Variants in REC114 observed in about 807,000 individuals in gnomAD.
REC114 encodes REC114 meiotic recombination protein.
Under a neutral mutation model 31.3 loss-of-function variants are expected in REC114, and 27 were observed. That is an observed-to-expected ratio of 0.86 (90% CI 0.64 to 1.19). The LOEUF is 1.19. REC114 is among the 50% of genes most tolerant of loss of function. The pLI is 0.00. For synonymous variants in REC114, 134 were observed against 127.7 expected (o/e 1.05, Z -0.33); for missense variants, 344 against 326.9 (o/e 1.05, Z -0.40).
intron 2 of REC114, among the ~76,000 whole-genome samples, chr15:73,529,310 T>C (rs943693984): frequency 1.3e-5 from 2 of 152,020 alleles, no homozygotes; most frequent in Non-Finnish European, 2.9e-5. Flanking sequence ...ACTAATTTTT[T>C]GTATTTTTTA....
At chr15:73,506,312 G>T (rs1893676044) in intron 2 of REC114, among the ~76,000 whole-genome samples, 2 of 152,078 alleles carry the variant, frequency 1.3e-5, no homozygotes, top group Admixed American at 1.3e-4. Flanking sequence ...CTGTTATGTT[G>T]TCTTGGTTCT....
chr15:73,454,038 A>G (rs1194071632), intron 1 of REC114, among the ~76,000 whole-genome samples: 1 of 152,200 alleles, frequency 6.6e-6, no homozygotes, highest in Admixed American at 6.5e-5. Flanking sequence ...TAATGGGTGC[A>G]GCAAACCACC....
chr15:73,447,834 CA>C (rs1892788791), intron 1 of REC114, among the ~76,000 whole-genome samples: 4 of 152,038 alleles, frequency 2.6e-5, no homozygotes, highest in Admixed American at 2.6e-4. Context: ...GGGTGCAGGC[CA>C]TGGGGGGTGA....
At chr15:73,513,899 T>C (rs1211956884) in intron 2 of REC114, among the ~76,000 whole-genome samples, 3 of 151,746 alleles carry the variant, frequency 2.0e-5, no homozygotes, top group Non-Finnish European at 4.4e-5. Flanking sequence ...TGTCTTTTTG[T>C]TTGTCTGTGC....
intron 1 of REC114, among the ~76,000 whole-genome samples, chr15:73,444,523 T>C (rs1344171272): frequency 6.6e-6 from 1 of 152,232 alleles, no homozygotes; most frequent in Non-Finnish European, 1.5e-5. Flanking sequence ...CGTAAAATTA[T>C]AGCAATTCAG....
intron 2 of REC114, among the ~76,000 whole-genome samples, chr15:73,519,382 T>C (rs188511958): frequency 5.9e-5 from 9 of 152,306 alleles, no homozygotes; most frequent in Non-Finnish European, 1.3e-4. Flanking sequence ...ACCTTGATCT[T>C]GGACTTCCCA....
chr15:73,472,318 A>G (rs988631953), intron 1 of REC114, among the ~76,000 whole-genome samples: 1 of 152,224 alleles, frequency 6.6e-6, no homozygotes, highest in Non-Finnish European at 1.5e-5. Flanking sequence ...AATACTGGGA[A>G]AGAGGGAGAA....
intron 2 of REC114, among the ~76,000 whole-genome samples, chr15:73,524,707 T>C (rs915409333): frequency 6.6e-6 from 1 of 152,124 alleles, no homozygotes; most frequent in African/African-American, 2.4e-5. Flanking sequence ...GAGTAATTCT[T>C]GTGCCTCAGC....
At chr15:73,527,238 T>G (rs1380647254) in intron 2 of REC114, among the ~76,000 whole-genome samples, 1 of 152,228 alleles carries the variant, frequency 6.6e-6, no homozygotes, top group Admixed American at 6.5e-5. Context: ...TCCTGGTGAT[T>G]CTTATTTTTC....
At position 73,494,527 on chromosome 15, in the gene REC114, C is replaced by A. The variant is rs118044418; in HGVS notation, c.249+20606C>A. Among the ~76,000 whole-genome samples, 43 of 151,756 alleles carry A rather than the reference C, an allele frequency of 2.8e-4. No individual in the cohort carries two copies. In the East Asian group the frequency reaches 8.1e-3, roughly 29 times the overall value. ...AAAAAAAATTGAAGATATTTTCTTA[C>A]CTCAAAGTCTAAAACCCTTTAAATT... On this transcript the variant is annotated intron_variant, in intron 2 of 5. Coordinates refer to ENST00000331090, the MANE Select transcript of REC114 (RefSeq NM_001042367.2).
intron 1 of REC114, among the ~76,000 whole-genome samples, chr15:73,461,905 C>CTTTTTT (rs1185300663): frequency 1.3e-5 from 1 of 78,232 alleles, no homozygotes. Flanking sequence ...TAACATTTTT[C>CTTTTTT]TTTTTCTTTT....
intron 2 of REC114, among the ~76,000 whole-genome samples, chr15:73,524,686 C>T (rs1431105140): frequency 1.3e-5 from 2 of 152,130 alleles, no homozygotes; most frequent in African/African-American, 4.8e-5. Context: ...CAACTTTCGC[C>T]TCCTGGTTTG....
intron 2 of REC114, among the ~76,000 whole-genome samples, chr15:73,504,466 C>T (rs1219498169): frequency 2.0e-5 from 3 of 152,084 alleles, no homozygotes; most frequent in Admixed American, 6.6e-5. Flanking sequence ...TACCACTGGG[C>T]TCCCTACTGA....
intron 2 of REC114, among the ~76,000 whole-genome samples, chr15:73,528,199 G>A (rs1894031457): frequency 6.6e-6 from 1 of 152,130 alleles, no homozygotes; most frequent in South Asian, 2.1e-4. Flanking sequence ...CAAAATAGTT[G>A]ATGAGGCAAA....
intron 2 of REC114, among the ~76,000 whole-genome samples, chr15:73,521,687 T>C (rs1319937514): frequency 1.3e-5 from 2 of 152,186 alleles, no homozygotes; most frequent in Non-Finnish European, 2.9e-5. Flanking sequence ...GGTATTTTTA[T>C]CATCTTTATA....
intron 1 of REC114, 102 bp downstream of exon 1, chr15:73,443,446 G>T: frequency 7.6e-7 from 1 of 1,313,916 alleles, no homozygotes; most frequent in East Asian, 2.6e-5. Flanking sequence ...ATGCCGAGGG[G>T]ACACCGAGTG....
intron 2 of REC114, among the ~76,000 whole-genome samples, chr15:73,521,411 G>GA (rs1893934039): frequency 6.6e-6 from 1 of 152,024 alleles, no homozygotes; most frequent in African/African-American, 2.4e-5. Flanking sequence ...ATGTAAGAGT[G>GA]AAAATCAAGG....
At chr15:73,483,500 A>G (rs1454567572) in intron 2 of REC114, 1 of 152,804 alleles carries the variant, frequency 6.5e-6, no homozygotes, top group African/African-American at 2.4e-5. Flanking sequence ...CACCAATAGT[A>G]TTTGTGGGTT....
chr15:73,450,319 A>G (rs1187787245), intron 1 of REC114, among the ~76,000 whole-genome samples: 1 of 152,240 alleles, frequency 6.6e-6, no homozygotes, highest in Non-Finnish European at 1.5e-5. Flanking sequence ...GAAAGAAAAA[A>G]AAAAGCAGGA....
Sources: gnomAD v4.1 joint callset for allele counts (sites outside exome capture counted in the v4.1 genomes callset) on GRCh38, gnomAD v4.1.1 for gene constraint, MANE v1.5 for transcripts, NCBI Gene and HGNC (gene_info 2026-07-23, HGNC 2026-07-21) for gene names.